SPOCK3: variants seen among roughly 807,000 people sequenced by gnomAD.
SPOCK3 encodes the protein SPARC (osteonectin), cwcv and kazal like domains proteoglycan 3, also known as testican-3.
Under a neutral mutation model 56.6 loss-of-function variants are expected in SPOCK3, and 30 were observed. The observed-to-expected ratio is 0.53, with a 90% CI of 0.40 to 0.72. SPOCK3 has a LOEUF of 0.72. Among genes scored for constraint, SPOCK3 ranks in the 30% least tolerant of loss-of-function variants. The probability of loss-of-function intolerance (pLI) is 0.00; values close to 1 mark genes in which losing one functional copy is unlikely to be tolerated. For synonymous variants in SPOCK3, 196 were observed against 183.3 expected, an observed-to-expected ratio of 1.07 and a Z score of -0.56; for missense variants, 527 against 530.0, an observed-to-expected ratio of 0.99 and a Z score of 0.06.
chr4:167,058,431 T>A (rs980685442), intron 3 of SPOCK3, among the ~76,000 whole-genome samples: 1 of 152,036 alleles, frequency 6.6e-6, no homozygotes, highest in Non-Finnish European at 1.5e-5. Flanking sequence ...TACCTAGGAA[T>A]CCAACTTACA....
chr4:166,920,165 C>T (rs756767735), intron 4 of SPOCK3, among the ~76,000 whole-genome samples: 1 of 152,042 alleles, frequency 6.6e-6, no homozygotes, highest in African/African-American at 2.4e-5. Context: ...CATAAGCATA[C>T]ATATAAAATT....
At chr4:166,873,939 ATAT>A (rs1037529730) in intron 6 of SPOCK3, among the ~76,000 whole-genome samples, 1 of 152,174 alleles carries the variant, frequency 6.6e-6, no homozygotes, top group Non-Finnish European at 1.5e-5. Context: ...TTTGATAATA[ATAT>A]TGTTAAGAAC....
At chr4:166,748,612 C>A (rs7671141) in intron 8 of SPOCK3, among the ~76,000 whole-genome samples, 47,085 of 135,596 alleles carry the variant, frequency 0.35, 13,750 homozygotes, top group Admixed American at 0.46. Flanking sequence ...AAAGCAATGG[C>A]AACAAAAGCC....
At chr4:167,007,363 T>A (rs1266021576) in intron 3 of SPOCK3, among the ~76,000 whole-genome samples, 1 of 152,230 alleles carries the variant, frequency 6.6e-6, no homozygotes, top group Non-Finnish European at 1.5e-5. Flanking sequence ...TTATTCATAA[T>A]GCCTAATACA....
chr4:166,942,679 G>A (rs1168905957), intron 4 of SPOCK3, among the ~76,000 whole-genome samples: 2 of 152,030 alleles, frequency 1.3e-5, no homozygotes, highest in African/African-American at 2.4e-5. Context: ...AAGCAATGGG[G>A]TAGAAAAGAT....
intron 8 of SPOCK3, among the ~76,000 whole-genome samples, chr4:166,750,029 G>C (rs773073547): frequency 6.6e-6 from 1 of 152,072 alleles, no homozygotes; most frequent in Admixed American, 6.6e-5. Flanking sequence ...ACATTTGATC[G>C]GAATTTTGAT....
chr4:167,055,518 C>G (rs1198693133), intron 3 of SPOCK3, among the ~76,000 whole-genome samples: 1 of 152,144 alleles, frequency 6.6e-6, no homozygotes, highest in Non-Finnish European at 1.5e-5. Context: ...ACATGGGAAG[C>G]CCAAGGGGTC....
intron 2 of SPOCK3, among the ~76,000 whole-genome samples, chr4:167,205,503 ATTATATAAT>A (rs1734155878): frequency 1.7e-5 from 1 of 57,190 alleles, no homozygotes; most frequent in Non-Finnish European, 2.9e-5. Flanking sequence ...TATAATATAT[ATTATATAAT>A]ATATATTATA....
intron 6 of SPOCK3, among the ~76,000 whole-genome samples, chr4:166,793,563 G>C (rs1262679216): frequency 2.6e-5 from 4 of 151,868 alleles, no homozygotes; most frequent in African/African-American, 9.7e-5. Context: ...AGTTGGACAA[G>C]CTTGCTCTAA....
At chr4:166,969,189 T>G (rs1004824160) in intron 4 of SPOCK3, among the ~76,000 whole-genome samples, 1 of 152,198 alleles carries the variant, frequency 6.6e-6, no homozygotes, top group African/African-American at 2.4e-5. Context: ...CAGAAGGGAC[T>G]TGCACTGTCT....
At position 167,009,416 on chromosome 4, in the gene SPOCK3, C is replaced by T. The variant is rs542799402; in HGVS notation, c.236-8953G>A. On this transcript the variant is annotated intron_variant, in intron 3 of 10. Coordinates refer to ENST00000357545, the MANE Select transcript of SPOCK3 (RefSeq NM_001040159.2). ...AGACACTGGTTTAAAAAATAATTAC[C>T]ATGAAAGGATATAAAACTCCAAGTC... is the stretch of plus-strand genomic sequence containing the variant. Among the ~76,000 whole-genome samples, 2 of 151,960 alleles carry T rather than the reference C, an allele frequency of 1.3e-5. 1 individual carries two copies.
At chr4:166,775,324 T>C (rs868781351) in intron 7 of SPOCK3, among the ~76,000 whole-genome samples, 20 of 152,180 alleles carry the variant, frequency 1.3e-4, no homozygotes, top group African/African-American at 4.8e-4. Context: ...TCACCCATTT[T>C]CATCTCTGCT....
intron 2 of SPOCK3, among the ~76,000 whole-genome samples, chr4:167,192,065 A>C (rs2110853034): frequency 6.9e-6 from 1 of 145,872 alleles, no homozygotes; most frequent in Non-Finnish European, 1.5e-5. Flanking sequence ...TCATTCTGTT[A>C]ATGTCATATA....
chr4:166,914,910 A>G (rs934989831), intron 4 of SPOCK3, among the ~76,000 whole-genome samples: 7 of 152,144 alleles, frequency 4.6e-5, no homozygotes, highest in African/African-American at 1.7e-4. Flanking sequence ...TTTTAACCAT[A>G]CGGAACACTA....
chr4:167,230,779 A>G (rs1737098091), intron 2 of SPOCK3, among the ~76,000 whole-genome samples: 1 of 152,152 alleles, frequency 6.6e-6, no homozygotes, highest in Admixed American at 6.5e-5. Context: ...CAAAACAGTG[A>G]AAGCTCTTTA....
At chr4:167,162,768 T>A (rs1372705109) in intron 2 of SPOCK3, among the ~76,000 whole-genome samples, 1 of 151,992 alleles carries the variant, frequency 6.6e-6, no homozygotes, top group African/African-American at 2.4e-5. Context: ...ACTCTCGACT[T>A]TTTTTTATAT....
In SPOCK3 at chr4:167,046,495, G is replaced by A. The variant is rs1469456216; in HGVS notation, c.235+15997C>T. ...TTTTTTAACAAAGTCTCACTCTGTC[G>A]CCTAAGCTGGAGTGCAGTGGTACAA... On this transcript the variant is annotated intron_variant, in intron 3 of 10. Coordinates refer to ENST00000357545, the MANE Select transcript of SPOCK3 (RefSeq NM_001040159.2). Among the ~76,000 whole-genome samples, 4 of 109,890 alleles carry A rather than the reference G, an allele frequency of 3.6e-5. No homozygotes were observed. In the Admixed American group the frequency reaches 4.0e-4, roughly 11 times the overall value. The allele number at this position is 109,890 out of a possible 152,430, so 72.1% of individuals were successfully genotyped here. A position where few individuals can be genotyped will look rare whatever the true frequency, so the allele number is the denominator to read the frequency against.
intron 2 of SPOCK3, among the ~76,000 whole-genome samples, chr4:167,216,231 C>A (rs1735342457): frequency 6.6e-6 from 1 of 151,826 alleles, no homozygotes; most frequent in Non-Finnish European, 1.5e-5. Flanking sequence ...GTGGAGTTTG[C>A]GGTTTATCCC....
chr4:167,195,288 C>A (rs1732834309), intron 2 of SPOCK3, among the ~76,000 whole-genome samples: 2 of 152,290 alleles, frequency 1.3e-5, no homozygotes. Flanking sequence ...CCCCTTGTCC[C>A]ATTTTCAGAC....
Sources: gnomAD v4.1 joint callset for allele counts (sites outside exome capture counted in the v4.1 genomes callset) on GRCh38, gnomAD v4.1.1 for gene constraint, MANE v1.5 for transcripts, NCBI Gene and HGNC (gene_info 2026-07-23, HGNC 2026-07-21) for gene names.